The following CP variants were observed in gnomAD, a reference collection of about 807,000 sequenced individuals.
CP encodes ceruloplasmin, also known as caeruloplasmin.
Under a neutral mutation model 122.4 loss-of-function variants are expected in CP, and 64 were observed. The ratio of observed to expected loss-of-function variants is 0.52; its 90% confidence interval spans 0.43 to 0.64. The LOEUF (loss-of-function observed/expected upper bound fraction) is 0.64, where lower values mean the gene tolerates loss of function less well. Ranked by LOEUF, CP falls within the 30% of genes least tolerant of loss-of-function variation. The pLI, the probability that CP is intolerant of heterozygous loss-of-function variation, is 0.00. For missense variants in CP, 1,167 were observed against 1,284.4 expected (o/e 0.91, Z 1.40); for synonymous variants, 440 against 436.4 (o/e 1.01, Z -0.10).
chr3:149,217,612 T>C (rs749061248), intron 1 of CP, among the ~76,000 whole-genome samples: 25 of 152,328 alleles, frequency 1.6e-4, no homozygotes, highest in Admixed American at 6.5e-5. Flanking sequence ...GGGCACCCAA[T>C]TGCTGTGGCT....
At chr3:149,185,474 A>G (rs2108236336) in intron 11 of CP, 28 bp from the exon 12 acceptor site, 2 of 1,608,808 alleles carry the variant, frequency 1.2e-6, no homozygotes, top group East Asian at 2.2e-5. Context: ...AAAACATGTC[A>G]CTTCTTTGCT....
In CP at chr3:149,186,511, T is replaced by C. The variant is rs569464826; in HGVS notation, c.2077+9A>G. On this transcript the variant is annotated intron_variant, in intron 11 of 18. Coordinates refer to ENST00000264613, the MANE Select transcript of CP (RefSeq NM_000096.4). ...CATCCAATAGAGACTTGGCTTTAAGTAAATATACCCTCTGTGTCAGGCCAC... is the reference window on the plus strand; with the variant it reads ...CATCCAATAGAGACTTGGCTTTAAGCAAATATACCCTCTGTGTCAGGCCAC... 3 of 1,613,680 alleles carry C rather than the reference T, an allele frequency of 1.9e-6. No individual in the cohort carries two copies. Among genetic ancestry groups the C allele is most frequent in the African/African-American group, 2.7e-5 (2 of 75,062 alleles).
intron 4 of CP, among the ~76,000 whole-genome samples, 170 bp from the exon 5 acceptor site, chr3:149,207,787 T>G (rs1727847899): frequency 6.6e-6 from 1 of 152,190 alleles, no homozygotes; most frequent in Admixed American, 6.5e-5. Context: ...CAGCACTCTT[T>G]CATTTTGGAA....
At chr3:149,172,081 T>C (rs1298258552), downstream of CP, 2 of 1,611,654 alleles carry the variant, frequency 1.2e-6, no homozygotes, top group Admixed American at 3.3e-5. Flanking sequence ...ATTCAGATAT[T>C]CTTTTCTACA....
chr3:149,186,332 T>C, intron 11 of CP, 188 bp downstream of exon 11: 2 of 635,232 alleles, frequency 3.1e-6, no homozygotes, highest in Non-Finnish European at 5.6e-6. Flanking sequence ...CCTCAGTAAC[T>C]AGGAAACAGA....
intron 5 of CP, among the ~76,000 whole-genome samples, chr3:149,164,913 C>T (rs141849312): frequency 1.8e-3 from 268 of 152,252 alleles, no homozygotes; most frequent in African/African-American, 6.2e-3. Context: ...ACCTCATTTA[C>T]ACTATGGGAA....
intron 13 of CP, among the ~76,000 whole-genome samples, chr3:149,182,368 A>T (rs1249692633): frequency 6.6e-6 from 1 of 152,154 alleles, no homozygotes; most frequent in Non-Finnish European, 1.5e-5. Flanking sequence ...TTTGCAGAGT[A>T]CCGGTCTAAT....
intron 14 of CP, 30 bp downstream of exon 14, chr3:149,181,975 C>CCGGGGGGGGG: frequency 9.2e-7 from 1 of 1,088,424 alleles, no homozygotes; most frequent in Non-Finnish European, 1.4e-6. Flanking sequence ...TGTTAAAATG[C>CCGGGGGGGGG]ACCACCCCCA....
At chr3:149,200,873 C>T (rs1445121223) in intron 7 of CP, among the ~76,000 whole-genome samples, 4 of 152,038 alleles carry the variant, frequency 2.6e-5, no homozygotes, top group African/African-American at 7.2e-5. Context: ...AAAAAAACAG[C>T]TTTTTATAAG....
At chr3:149,217,608 C>T (rs1210560350) in intron 1 of CP, among the ~76,000 whole-genome samples, 3 of 152,108 alleles carry the variant, frequency 2.0e-5, no homozygotes, top group Admixed American at 2.0e-4. Context: ...CTTAGGGCAC[C>T]CAATTGCTGT....
Position 149,210,205 on chromosome 3 carries a change from G to A in CP, c.569C>T (p.Ala190Val), listed in dbSNP as rs766759174. ...HSHIDAPKDI[A>V]SGLIGPLIIC... ...TATTAAAGGTCCGATGAGTCCTGAG[G>A]CAATATCTTTTGGAGCATCAATGTG... is the stretch of plus-strand genomic sequence containing the variant. The change falls in exon 3 of 19, where the codon GCC (alanine) becomes GTC (valine). Residue 190 changes from alanine (A) to valine (V), a missense_variant. This residue lies in a region of CP where 642 missense variants were observed against 627.3 expected (regional missense o/e 1.02). Transcript: ENST00000264613. The A allele has an allele frequency of 3.1e-6, 5 of 1,613,994 alleles. No individual in the cohort carries two copies. The South Asian group carries it at 5.5e-5, about 18-fold the overall frequency.
intron 5 of CP, chr3:149,163,711 C>G: frequency 1.7e-6 from 1 of 596,200 alleles, no homozygotes. Context: ...ACTTTCCTTC[C>G]CATTCCCAGG....
Position 149,183,480 on chromosome 3 carries a change from T to C in CP, c.2411A>G (p.His804Arg). 1 of 1,611,598 alleles carries C rather than the reference T, an allele frequency of 6.2e-7. No individual in the cohort carries two copies. The highest frequency in any genetic ancestry group is 8.5e-7 in the Non-Finnish European group (1 of 1,179,830). ...TATTAACATACCTAGAATTCCCAGA[T>C]GTTCTTCTTCAGCTTTTCTCTCCAC... Reference protein sequence around the residue: ...VPVERKAEEEHLGILGPQLHA... With the variant: ...VPVERKAEEERLGILGPQLHA... The change falls in exon 13 of 19, where the codon CAT becomes CGT. Residue 804 changes from histidine (H) to arginine (R), a missense_variant. His to Arg is a conservative substitution (Grantham distance 29, BLOSUM62 0). Around this residue, in one of 2 missense-constraint regions of CP, gnomAD observed 525 missense variants for 657.2 expected, o/e 0.80. Transcript: ENST00000264613.
chr3:149,166,105 T>C (rs181344133), intron 4 of CP: 5 of 429,278 alleles, frequency 1.2e-5, no homozygotes, highest in East Asian at 1.5e-4. Context: ...ATCTCATCTT[T>C]ATCCTGGAGA....
At chr3:149,195,683 T>C (rs955162107) in intron 9 of CP, among the ~76,000 whole-genome samples, 2 of 152,004 alleles carry the variant, frequency 1.3e-5, no homozygotes, top group African/African-American at 2.4e-5. Context: ...GCTAACACGG[T>C]GAAACCCGTC....
At chr3:149,166,905 C>T in intron 4 of CP, 1 of 745,176 alleles carries the variant, frequency 1.3e-6, no homozygotes, top group Non-Finnish European at 2.4e-6. Context: ...CGTGCATGTG[C>T]TCTAATATGG....
At chr3:149,199,615 G>T in intron 8 of CP, 97 bp downstream of exon 8, 1 of 1,422,202 alleles carries the variant, frequency 7.0e-7, no homozygotes, top group Non-Finnish European at 9.9e-7. Flanking sequence ...CGGTTTCCTT[G>T]GGAGTTCCTG....
In CP at chr3:149,209,379, G is replaced by T; in HGVS notation, c.613C>A (p.Leu205Ile). ...GPLIICKKDS[L>I]DKEKEKHIDR... ...ATATGTTTTTCTTTTTCTTTATCTA[G>T]AGAATCTGGAGTTAAAGTTACTATT... Residue 205 changes from leucine to isoleucine, a missense_variant, in exon 4 of 19, where the codon CTA becomes ATA. Leu to Ile is a conservative substitution (Grantham distance 5). Around this residue, in one of 2 missense-constraint regions of CP, gnomAD observed 642 missense variants for 627.3 expected, o/e 1.02. Transcript: ENST00000264613. 1 of 1,613,018 alleles carries T rather than the reference G, an allele frequency of 6.2e-7. No homozygotes were observed. Among genetic ancestry groups the T allele is most frequent in the Non-Finnish European group, 8.5e-7 (1 of 1,179,340 alleles).
chr3:149,208,011 T>C (rs1459626649), intron 4 of CP, among the ~76,000 whole-genome samples: 3 of 152,174 alleles, frequency 2.0e-5, no homozygotes, highest in African/African-American at 7.2e-5. Flanking sequence ...ATTCATCATG[T>C]TGGTAGTATG....
Sources: gnomAD v4.1 joint callset for allele counts (sites outside exome capture counted in the v4.1 genomes callset) on GRCh38, gnomAD v4.1.1 for gene constraint, gnomAD v4.1.1 regional missense constraint, MANE v1.5 for transcripts, NCBI Gene and HGNC (gene_info 2026-07-23, HGNC 2026-07-21) for gene names.